Variants in DLC1 observed in about 807,000 individuals in gnomAD.
The protein encoded by DLC1 is rho GTPase-activating protein 7.
Under a neutral mutation model 140.3 loss-of-function variants are expected in DLC1, and 54 were observed. That is an observed-to-expected ratio of 0.38 (90% CI 0.31 to 0.48). The LOEUF is 0.48. DLC1 is among the 20% of genes least tolerant of loss of function. The pLI, the probability that DLC1 is intolerant of heterozygous loss-of-function variation, is 0.96. For synonymous variants in DLC1, 986 were observed against 728.1 expected, an observed-to-expected ratio of 1.35 and a Z score of -5.70; for missense variants, 2,536 against 1,907.0, an observed-to-expected ratio of 1.33 and a Z score of -6.14.
Position 13,221,724 on chromosome 8 carries a change from G to GTATATATA in DLC1, c.1348+83544_1348+83545insTATATATA, listed in dbSNP as rs1311540477. Among the ~76,000 whole-genome samples, 204 of 132,946 alleles carry GTATATATA rather than the reference G, an allele frequency of 1.5e-3. 1 individual carries two copies. The highest frequency in any genetic ancestry group is 5.6e-3 in the African/African-American group (194 of 34,728). The allele number at this position is 132,946 out of a possible 152,430, so 87.2% of individuals were successfully genotyped here. On this transcript the variant is annotated intron_variant, in intron 5 of 17. Coordinates refer to ENST00000276297, the MANE Select transcript of DLC1 (RefSeq NM_182643.3). ...TATGTGTGTGTATATGTGTGTGTGT[G>GTATATATA]TGTATATATATATATATATATGATA...
At chr8:13,455,014 C>T (rs193048141) in intron 2 of DLC1, among the ~76,000 whole-genome samples, 252 of 151,996 alleles carry the variant, frequency 1.7e-3, no homozygotes, top group African/African-American at 5.7e-3. Flanking sequence ...GTGCCAAGTG[C>T]CTGATACACG....
At chr8:13,441,728 G>A (rs1230076874) in intron 2 of DLC1, among the ~76,000 whole-genome samples, 1 of 152,020 alleles carries the variant, frequency 6.6e-6, no homozygotes, top group African/African-American at 2.4e-5. Flanking sequence ...ACAAATGGAG[G>A]AACATTCCAT....
chr8:13,486,768 T>C (rs1362787413), intron 2 of DLC1, among the ~76,000 whole-genome samples: 1 of 152,110 alleles, frequency 6.6e-6, no homozygotes, highest in East Asian at 1.9e-4. Context: ...GTTGGATAAA[T>C]GAACATAGGA....
chr8:13,249,269 A>T (rs1465167313), intron 5 of DLC1, among the ~76,000 whole-genome samples: 1 of 151,994 alleles, frequency 6.6e-6, no homozygotes, highest in Non-Finnish European at 1.5e-5. Context: ...AGTAGAGACG[A>T]GTTTCACCAT....
chr8:13,261,967 A>T (rs972031420), intron 5 of DLC1, among the ~76,000 whole-genome samples: 1 of 152,206 alleles, frequency 6.6e-6, no homozygotes, highest in Admixed American at 6.5e-5. Flanking sequence ...ATAGGTGTTT[A>T]GCTTAGATAT....
chr8:13,544,750 C>A (rs1803600549), intron 1 of DLC1, among the ~76,000 whole-genome samples: 2 of 152,176 alleles, frequency 1.3e-5, no homozygotes, highest in Non-Finnish European at 2.9e-5. Flanking sequence ...ATCCATTTTA[C>A]ACAACTGTCC....
At chr8:13,348,326 C>G (rs908348426) in intron 4 of DLC1, among the ~76,000 whole-genome samples, 2 of 152,116 alleles carry the variant, frequency 1.3e-5, no homozygotes, top group Non-Finnish European at 2.9e-5. Flanking sequence ...CGGTAAAAAA[C>G]TAAACTAGTG....
intron 5 of DLC1, among the ~76,000 whole-genome samples, chr8:13,173,366 C>T (rs1315772264): frequency 1.7e-5 from 2 of 117,800 alleles, no homozygotes; most frequent in Non-Finnish European, 3.4e-5. Flanking sequence ...TTGTTCTGCC[C>T]TCTTTTTTTT....
chr8:13,338,762 C>A (rs1162452996), intron 4 of DLC1: 1 of 152,138 alleles, frequency 6.6e-6, no homozygotes. Context: ...AGGTGAGCTA[C>A]CTGCCCAACT....
At chr8:13,476,072 C>T (rs75140902) in intron 2 of DLC1, among the ~76,000 whole-genome samples, 9,342 of 152,194 alleles carry the variant, frequency 0.061, 468 homozygotes, top group African/African-American at 0.14. Flanking sequence ...AAAGAAACTG[C>T]AGGGGTTAAT....
intron 2 of DLC1, among the ~76,000 whole-genome samples, chr8:13,437,960 G>A (rs1353744354): frequency 6.6e-6 from 1 of 151,236 alleles, no homozygotes; most frequent in African/African-American, 2.4e-5. Flanking sequence ...AAATTGAGAA[G>A]GTTATAAGGG....
intron 5 of DLC1, among the ~76,000 whole-genome samples, chr8:13,118,306 G>T (rs1329941638): frequency 6.6e-6 from 1 of 152,084 alleles, no homozygotes; most frequent in African/African-American, 2.4e-5. Flanking sequence ...ACAGGCAAAG[G>T]TTTGCTTCTT....
At chr8:13,545,025 G>T (rs1803608361) in intron 1 of DLC1, among the ~76,000 whole-genome samples, 1 of 151,994 alleles carries the variant, frequency 6.6e-6, no homozygotes, top group Admixed American at 6.6e-5. Context: ...CAGGGGCTGG[G>T]TTTTTGTTTA....
In DLC1 at chr8:13,574,818, C is replaced by A. The variant is rs537603621; in HGVS notation, c.-126+29719G>T. Among the ~76,000 whole-genome samples, 3 of 152,232 alleles carry A rather than the reference C, an allele frequency of 2.0e-5. No individual in the cohort carries two copies. In the East Asian group the frequency reaches 5.8e-4, roughly 29 times the overall value. ...AGTCATTCAAATTCCAGCCTCAGAA[C>A]TGTTTAGGAATGTCTGGGACCCAGC... On this transcript the variant is annotated intron_variant, in intron 1 of 1. Transcript: ENST00000631382.
chr8:13,199,177 C>CTTT (rs71207132), intron 5 of DLC1, among the ~76,000 whole-genome samples: 46 of 93,252 alleles, frequency 4.9e-4, no homozygotes, highest in Non-Finnish European at 7.2e-4. Context: ...TTCTCTTTTT[C>CTTT]TTTTTTTTTT....
intron 5 of DLC1, among the ~76,000 whole-genome samples, chr8:13,176,190 T>A (rs1825749069): frequency 6.6e-6 from 1 of 152,222 alleles, no homozygotes; most frequent in South Asian, 2.1e-4. Context: ...AAATTTTTAT[T>A]ACATTTTTCA....
chr8:13,352,152 A>G (rs17802857), intron 4 of DLC1, among the ~76,000 whole-genome samples: 10,896 of 152,246 alleles, frequency 0.072, 444 homozygotes, highest in South Asian at 0.1. Context: ...GTTCAATGAA[A>G]GCATCAGTCA....
chr8:13,172,846 C>T (rs1318380825), intron 5 of DLC1, among the ~76,000 whole-genome samples: 1 of 152,174 alleles, frequency 6.6e-6, no homozygotes, highest in Non-Finnish European at 1.5e-5. Context: ...TTATCAAATC[C>T]TAGCTTACTC....
intron 5 of DLC1, among the ~76,000 whole-genome samples, chr8:13,269,590 C>A (rs1181868896): frequency 1.3e-5 from 2 of 150,312 alleles, no homozygotes; most frequent in African/African-American, 4.9e-5. Context: ...ATAGTCCTGG[C>A]TGCTGAGGGG....
Sources: allele counts gnomAD v4.1 joint callset (sites outside exome capture counted in the v4.1 genomes callset), GRCh38; gene constraint gnomAD v4.1.1; transcripts MANE v1.5; gene names NCBI Gene and HGNC (gene_info 2026-07-23, HGNC 2026-07-21).